The following AMOTL1 variants were observed in gnomAD, a reference collection of about 807,000 sequenced individuals.
AMOTL1 encodes angiomotin like 1, also known as angiomotin-like protein 1.
A neutral mutation model predicts 102.9 loss-of-function variants in AMOTL1; 45 were observed. The ratio of observed to expected loss-of-function variants is 0.44; its 90% confidence interval spans 0.34 to 0.56. The LOEUF is 0.56. AMOTL1 is among the 20% of genes least tolerant of loss of function. The pLI, the probability that AMOTL1 is intolerant of heterozygous loss-of-function variation, is 0.01. For synonymous variants in AMOTL1, 481 were observed against 484.7 expected, an observed-to-expected ratio of 0.99 and a Z score of 0.10; for missense variants, 1,114 against 1,225.6, an observed-to-expected ratio of 0.91 and a Z score of 1.36.
chr11:94,778,944 A>G (rs1350023783), intron 1 of AMOTL1, among the ~76,000 whole-genome samples: 1 of 152,168 alleles, frequency 6.6e-6, no homozygotes, highest in African/African-American at 2.4e-5. Flanking sequence ...GTATTCCCAG[A>G]AATTGGATGG....
chr11:94,842,679 A>G (rs1396309571), intron 6 of AMOTL1, among the ~76,000 whole-genome samples: 1 of 152,212 alleles, frequency 6.6e-6, no homozygotes, highest in East Asian at 1.9e-4. Flanking sequence ...TGTAATGACT[A>G]AACTAGTAGC....
At chr11:94,836,538 G>T (rs1345593528) in intron 6 of AMOTL1, among the ~76,000 whole-genome samples, 1 of 152,210 alleles carries the variant, frequency 6.6e-6, no homozygotes. Context: ...GAGAGAATGA[G>T]TAAGAGTGGA....
intron 9 of AMOTL1, among the ~76,000 whole-genome samples, chr11:94,864,192 G>C (rs996844582): frequency 3.3e-5 from 5 of 152,030 alleles, no homozygotes; most frequent in African/African-American, 1.2e-4. Context: ...ACTCTGATTG[G>C]AAAAGTGAGG....
chr11:94,835,466 A>G (rs774127357), intron 6 of AMOTL1, among the ~76,000 whole-genome samples: 1 of 152,224 alleles, frequency 6.6e-6, no homozygotes, highest in Non-Finnish European at 1.5e-5. Context: ...TCTTTCGAAA[A>G]TGGATAGCGC....
At position 94,854,039 on chromosome 11, in the gene AMOTL1, G is replaced by A. The variant is rs368527730; in HGVS notation, c.1901G>A (p.Arg634Gln). The change falls in exon 8 of 13, where the codon CGG (arginine) becomes CAG (glutamine). Residue 634 changes from arginine (R) to glutamine (Q), a missense_variant. By Grantham distance (43) the Arg-to-Gln change is conservative. Transcript: ENST00000433060. Reference sequence around the variant, plus strand: ...CGAGAACAGATGGAGCGGAGACTGCGGACTTGGCTGGAGAGAGAGCTGGAT... The same window carrying A: ...CGAGAACAGATGGAGCGGAGACTGCAGACTTGGCTGGAGAGAGAGCTGGAT... Reference protein sequence around the residue: ...EKREQMERRLRTWLERELDAL... With the variant: ...EKREQMERRLQTWLERELDAL... 1.3e-5 allele frequency: 21 copies of A among 1,559,468 alleles called. No individual in the cohort carries two copies. The highest frequency in any genetic ancestry group is 9.6e-5 in the East Asian group (4 of 41,766).
chr11:94,776,410 A>G (rs1363463838), intron 1 of AMOTL1, among the ~76,000 whole-genome samples: 1 of 152,166 alleles, frequency 6.6e-6, no homozygotes, highest in Non-Finnish European at 1.5e-5. Context: ...GACTATTGTG[A>G]TAGCCACTCA....
At position 94,821,575 on chromosome 11, in the gene AMOTL1, C is replaced by T; in HGVS notation, c.1167C>T (p.Ser389=). ...LPFPSTMQQH[S]PMSSQTSSAS... The stretch of plus-strand genomic sequence containing the variant: ...TCCCATCAACCATGCAGCAGCACAG[C>T]CCCATGTCCTCCCAGACCTCTTCCG... The change falls in exon 4 of 13, where the codon AGC becomes AGT. Residue 389 remains serine, a synonymous_variant. Coordinates refer to ENST00000433060, the MANE Select transcript of AMOTL1 (RefSeq NM_130847.3). The T allele has an allele frequency of 6.2e-7, 1 of 1,613,888 alleles. No individual in the cohort carries two copies. Among genetic ancestry groups the T allele is most frequent in the Non-Finnish European group, 8.5e-7 (1 of 1,179,852 alleles).
chr11:94,794,245 G>A (rs1384142115), intron 1 of AMOTL1, among the ~76,000 whole-genome samples: 1 of 152,218 alleles, frequency 6.6e-6, no homozygotes, highest in Non-Finnish European at 1.5e-5. Flanking sequence ...CCATGCAGAG[G>A]AATCAGTGCA....
At chr11:94,725,630 C>T (rs1038492170) in intron 1 of AMOTL1, among the ~76,000 whole-genome samples, 13 of 152,042 alleles carry the variant, frequency 8.6e-5, no homozygotes, top group African/African-American at 2.9e-4. Flanking sequence ...GCACAGGGAG[C>T]CTGTGGGAGC....
intron 2 of AMOTL1, chr11:94,796,885 G>T (rs1951377059): frequency 3.9e-6 from 2 of 518,348 alleles, no homozygotes; most frequent in African/African-American, 2.1e-5. Flanking sequence ...TACACATATA[G>T]ATGTATTAAT....
intron 3 of AMOTL1, among the ~76,000 whole-genome samples, chr11:94,741,231 C>CGTGTGTGTGTGTGTGAGTGCGTGTGT (rs1950522271): frequency 6.7e-6 from 1 of 149,330 alleles, no homozygotes; most frequent in Non-Finnish European, 1.5e-5. Flanking sequence ...CGTGCGTGTG[C>CGTGTGTGTGTGTGTGAGTGCGTGTGT]GTGTGTGTGT....
At chr11:94,811,707 C>CAACAA (rs1187579388) in intron 3 of AMOTL1, among the ~76,000 whole-genome samples, 1 of 152,110 alleles carries the variant, frequency 6.6e-6, no homozygotes, top group Non-Finnish European at 1.5e-5. Flanking sequence ...GCAACAACAA[C>CAACAA]AACAAAACAG....
chr11:94,744,391 G>T (rs1034178834), intron 3 of AMOTL1, among the ~76,000 whole-genome samples: 10 of 152,138 alleles, frequency 6.6e-5, no homozygotes, highest in African/African-American at 9.7e-5. Context: ...TAGAGTTGGG[G>T]TGCACCACCC....
chr11:94,745,000 A>G (rs1284065285), intron 3 of AMOTL1, among the ~76,000 whole-genome samples: 1 of 152,174 alleles, frequency 6.6e-6, no homozygotes, highest in East Asian at 1.9e-4. Flanking sequence ...GAAATTTATT[A>G]TCTTTATCCC....
intron 8 of AMOTL1, among the ~76,000 whole-genome samples, chr11:94,858,025 G>A (rs1400631592): frequency 1.3e-5 from 2 of 152,166 alleles, no homozygotes; most frequent in African/African-American, 2.4e-5. Context: ...GGGCTATGAA[G>A]AGTTGTCATG....
At chr11:94,822,795 A>T (rs566188572) in intron 4 of AMOTL1, among the ~76,000 whole-genome samples, 1 of 152,332 alleles carries the variant, frequency 6.6e-6, no homozygotes, top group South Asian at 2.1e-4. Flanking sequence ...CCCTCAGGTC[A>T]GCATCTGATG....
intron 1 of AMOTL1, among the ~76,000 whole-genome samples, chr11:94,770,039 C>T (rs897177705): frequency 6.6e-6 from 1 of 152,134 alleles, no homozygotes; most frequent in African/African-American, 2.4e-5. Flanking sequence ...AAAGTCAAGG[C>T]TTGAAATATT....
intron 3 of AMOTL1, among the ~76,000 whole-genome samples, chr11:94,755,568 T>G (rs1412909171): frequency 6.6e-6 from 1 of 152,190 alleles, no homozygotes; most frequent in Non-Finnish European, 1.5e-5. Context: ...TTACACACAG[T>G]TGTCCATGTT....
intron 6 of AMOTL1, among the ~76,000 whole-genome samples, chr11:94,842,640 C>G (rs968510193): frequency 5.9e-5 from 9 of 152,320 alleles, no homozygotes; most frequent in African/African-American, 2.2e-4. Context: ...ATTTTAACAG[C>G]AGCCATTTCC....
Sources: allele counts gnomAD v4.1 joint callset (sites outside exome capture counted in the v4.1 genomes callset), GRCh38; gene constraint gnomAD v4.1.1; transcripts MANE v1.5; gene names NCBI Gene and HGNC (gene_info 2026-07-23, HGNC 2026-07-21).